The following ROBO2 variants were observed in gnomAD, a reference collection of about 807,000 sequenced individuals.
The protein encoded by ROBO2 is roundabout guidance receptor 2, also known as roundabout homolog 2.
Under a neutral mutation model 160.8 loss-of-function variants are expected in ROBO2, and 53 were observed. The observed-to-expected ratio is 0.33, with a 90% CI of 0.26 to 0.41. ROBO2 has a LOEUF of 0.41. Among genes scored for constraint, ROBO2 ranks in the 10% least tolerant of loss-of-function variants. ROBO2 has a pLI of 1.00. For missense variants in ROBO2, 1,577 were observed against 1,722.4 expected, an observed-to-expected ratio of 0.92 and a Z score of 1.49; for synonymous variants, 664 against 611.7, an observed-to-expected ratio of 1.09 and a Z score of -1.26.
chr3:76,656,318 C>T (rs1018582038), intron 2 of ROBO2, among the ~76,000 whole-genome samples: 3 of 152,050 alleles, frequency 2.0e-5, no homozygotes, highest in Non-Finnish European at 4.4e-5. Context: ...ATTTTGTGTT[C>T]CCATCAAAAC....
chr3:76,584,940 A>T (rs540219502), intron 2 of ROBO2, among the ~76,000 whole-genome samples: 1 of 152,314 alleles, frequency 6.6e-6, no homozygotes, highest in African/African-American at 2.4e-5. Context: ...ATTGAATCAT[A>T]TGAATAAAAA....
chr3:77,069,246 G>C (rs2067165172), intron 1 of ROBO2, among the ~76,000 whole-genome samples: 1 of 152,152 alleles, frequency 6.6e-6, no homozygotes, highest in Non-Finnish European at 1.5e-5. Context: ...GGAATTAAGT[G>C]AAAGAGTTCA....
chr3:76,924,975 G>A (rs926876671), intron 2 of ROBO2, among the ~76,000 whole-genome samples: 32 of 152,130 alleles, frequency 2.1e-4, no homozygotes, highest in African/African-American at 7.0e-4. Flanking sequence ...TTGGGAGGCC[G>A]AGGCGGGCGG....
chr3:76,890,362 G>T (rs2074254290), intron 2 of ROBO2, among the ~76,000 whole-genome samples: 1 of 152,182 alleles, frequency 6.6e-6, no homozygotes, highest in African/African-American at 2.4e-5. Flanking sequence ...CAGTTCATCT[G>T]TTCCAAGTAT....
rs1377093668 is a variant in ROBO2, at chr3:77,565,288, T to C, written c.1849+168T>C. 3.3e-5 allele frequency among the ~76,000 whole-genome samples: 5 copies of C among 152,196 alleles called. No homozygotes were observed. The East Asian group carries it at 5.8e-4, about 18-fold the overall frequency. ...TAGCTTGCTGTTTATCTTGGTGAGA[T>C]GTGTTCTCTTTCTGGAGTTTTTGGG... On this transcript the variant is annotated intron_variant, in intron 12 of 25. Transcript: ENST00000461745.
At chr3:77,331,264 A>G (rs1397281503) in intron 2 of ROBO2, among the ~76,000 whole-genome samples, 1 of 152,218 alleles carries the variant, frequency 6.6e-6, no homozygotes, top group Non-Finnish European at 1.5e-5. Context: ...AAGTGCCAAT[A>G]TCTATGTCTG....
intron 2 of ROBO2, among the ~76,000 whole-genome samples, chr3:77,375,509 T>G (rs1345979841): frequency 6.6e-6 from 1 of 152,222 alleles, no homozygotes; most frequent in East Asian, 1.9e-4. Flanking sequence ...ACATGACGAT[T>G]TCACTTGTGT....
At chr3:76,832,951 T>G (rs2067213567) in intron 2 of ROBO2, among the ~76,000 whole-genome samples, 1 of 152,160 alleles carries the variant, frequency 6.6e-6, no homozygotes, top group African/African-American at 2.4e-5. Flanking sequence ...TTAATCTGAT[T>G]AGACTCATAC....
intron 2 of ROBO2, among the ~76,000 whole-genome samples, chr3:77,435,970 A>G (rs943243428): frequency 6.6e-6 from 1 of 150,724 alleles, no homozygotes; most frequent in Non-Finnish European, 1.5e-5. Context: ...CTTCTTAATC[A>G]AGAATGACTT....
intron 2 of ROBO2, among the ~76,000 whole-genome samples, chr3:77,449,756 T>C (rs6791086): frequency 0.53 from 80,185 of 151,748 alleles, 21,428 homozygotes; most frequent in East Asian, 0.7. Flanking sequence ...TTTATTTATA[T>C]AAAATTATTC....
At chr3:76,112,286 A>C (rs988996492) in intron 2 of ROBO2, among the ~76,000 whole-genome samples, 2 of 151,936 alleles carry the variant, frequency 1.3e-5, no homozygotes, top group African/African-American at 4.8e-5. Context: ...TATTTGATTT[A>C]GGAGTTTGGC....
intron 2 of ROBO2, among the ~76,000 whole-genome samples, chr3:77,449,042 A>G (rs2080862833): frequency 6.6e-6 from 1 of 152,182 alleles, no homozygotes; most frequent in East Asian, 1.9e-4. Flanking sequence ...CTACTTTGAA[A>G]AGAAAGGTAA....
intron 2 of ROBO2, among the ~76,000 whole-genome samples, chr3:76,698,240 G>A (rs2092972727): frequency 6.6e-6 from 1 of 152,190 alleles, no homozygotes; most frequent in Non-Finnish European, 1.5e-5. Context: ...AAGCATTCCT[G>A]GGCGATGGGC....
chr3:76,059,608 C>G (rs1034810139), intron 2 of ROBO2, among the ~76,000 whole-genome samples: 6 of 152,074 alleles, frequency 3.9e-5, no homozygotes, highest in Non-Finnish European at 7.4e-5. Context: ...GTTGCCTGTT[C>G]ACTCTGATGG....
chr3:76,921,394 T>C (rs2076652370), intron 2 of ROBO2, among the ~76,000 whole-genome samples: 1 of 152,066 alleles, frequency 6.6e-6, no homozygotes, highest in African/African-American at 2.4e-5. Context: ...GACGGATCGC[T>C]TGAGGTCAGC....
At chr3:77,595,172 T>C in exon 18 of ROBO2, 1 of 1,611,790 alleles carries the variant, frequency 6.2e-7, no homozygotes, top group South Asian at 1.1e-5. Flanking sequence ...GGAGGACTAA[T>C]GAGCAATGGA....
chr3:76,447,044 A>G (rs1228894367), intron 2 of ROBO2, among the ~76,000 whole-genome samples: 1 of 152,194 alleles, frequency 6.6e-6, no homozygotes, highest in African/African-American at 2.4e-5. Context: ...GACAGATGGG[A>G]TCTAATTAAA....
intron 2 of ROBO2, among the ~76,000 whole-genome samples, chr3:77,183,212 A>G (rs2080957808): frequency 6.6e-6 from 1 of 152,044 alleles, no homozygotes; most frequent in Non-Finnish European, 1.5e-5. Flanking sequence ...CTTCTCCCCC[A>G]TAAGCTTTAA....
rs551648409 is a variant in ROBO2 at position 76,417,829 on chromosome 3, CAG to C, written c.109+480229_109+480230del. Reference sequence around the variant, plus strand: ...TGATTCTTGTCTAATCACTTTGAAACAGAAAATAATTTTCTGCAAGGATGTGT... The same window carrying C: ...TGATTCTTGTCTAATCACTTTGAAACAAAATAATTTTCTGCAAGGATGTGT... On this transcript the variant is annotated intron_variant, in intron 2 of 26. Transcript: ENST00000487694. Among the ~76,000 whole-genome samples the C allele has an allele frequency of 5.1e-4, 77 of 152,100 alleles. 1 individual carries two copies. Among genetic ancestry groups the C allele is most frequent in the African/African-American group, 1.9e-3 (77 of 41,524 alleles).
Sources: allele counts gnomAD v4.1 joint callset (sites outside exome capture counted in the v4.1 genomes callset), GRCh38; gene constraint gnomAD v4.1.1; transcripts MANE v1.5; gene names NCBI Gene and HGNC (gene_info 2026-07-23, HGNC 2026-07-21).